ZC2HC1A: variants seen among roughly 807,000 people sequenced by gnomAD.
The protein encoded by ZC2HC1A is zinc finger C2HC domain-containing protein 1A.
In ZC2HC1A, 28 loss-of-function variants were observed where a neutral mutation model predicts 40.7. The observed-to-expected ratio is 0.69, with a 90% confidence interval of 0.51 to 0.94. The LOEUF (loss-of-function observed/expected upper bound fraction) is 0.94. Among genes scored for constraint, ZC2HC1A ranks in the 40% least tolerant of loss-of-function variants. ZC2HC1A has a pLI of 0.00. For synonymous variants in ZC2HC1A, 129 were observed against 129.2 expected (o/e 1.00, Z 0.01); for missense variants, 389 against 386.3 (o/e 1.01, Z -0.06).
At chr8:78,674,432 ATTTTG>A (rs1809517196) in intron 1 of ZC2HC1A, among the ~76,000 whole-genome samples, 1 of 152,226 alleles carries the variant, frequency 6.6e-6, no homozygotes, top group Non-Finnish European at 1.5e-5. Flanking sequence ...TGAGACCATC[ATTTTG>A]AAGACTGTCT....
chr8:78,710,509 G>A (rs577615323), intron 7 of ZC2HC1A, among the ~76,000 whole-genome samples: 1 of 151,738 alleles, frequency 6.6e-6, no homozygotes, highest in Non-Finnish European at 1.5e-5. Flanking sequence ...TGTAGGATTT[G>A]ACCATTTCTT....
At chr8:78,706,164 C>T (rs560674885) in intron 7 of ZC2HC1A, among the ~76,000 whole-genome samples, 2 of 152,292 alleles carry the variant, frequency 1.3e-5, no homozygotes, top group South Asian at 4.2e-4. Flanking sequence ...CTGGGAGTTC[C>T]ATCCCAGGTA....
chr8:78,692,484 G>GA (rs1810242394), intron 5 of ZC2HC1A, among the ~76,000 whole-genome samples: 1 of 152,168 alleles, frequency 6.6e-6, no homozygotes, highest in Non-Finnish European at 1.5e-5. Context: ...ATGTTTGGTT[G>GA]AAAACTAGAC....
intron 1 of ZC2HC1A, among the ~76,000 whole-genome samples, chr8:78,672,891 T>G (rs943682803): frequency 2.6e-5 from 4 of 152,120 alleles, no homozygotes; most frequent in African/African-American, 9.7e-5. Context: ...CTACATAAAT[T>G]ATTTTTAATT....
In ZC2HC1A at chr8:78,718,563, T is replaced by C. The variant is rs887355757; in HGVS notation, c.*1070T>C. The C allele has an allele frequency of 6.6e-5, 10 of 152,046 alleles. No individual in the cohort carries two copies. Among genetic ancestry groups the C allele is most frequent in the East Asian group, 3.9e-4 (2 of 5,192 alleles). 9.4% of individuals were successfully genotyped at this position (152,046 alleles called of 1,614,324 possible). A position where few individuals can be genotyped will look rare whatever the true frequency, so the allele number is the denominator to read the frequency against. On this transcript the variant is annotated 3_prime_UTR_variant, in exon 9 of 9. Transcript: ENST00000263849. The stretch of plus-strand genomic sequence containing the variant: ...TTAAGAGAATATCTAATTTTCCTAC[T>C]CTTTTTTTCATCTTTAGCATTTAAT...
intron 5 of ZC2HC1A, among the ~76,000 whole-genome samples, chr8:78,693,225 A>G (rs1810274142): frequency 6.6e-6 from 1 of 152,160 alleles, no homozygotes; most frequent in Non-Finnish European, 1.5e-5. Flanking sequence ...AGCATGATTT[A>G]TAGTCCTTTG....
rs566695645 is a variant in ZC2HC1A, at chr8:78,682,583, T to C, written c.211-3884T>C. On this transcript the variant is annotated intron_variant, in intron 3 of 8. Transcript: ENST00000263849. Reference sequence around the variant, plus strand: ...ATTCAATTACCTCCCAATGGGTTCCTCCCACAACCTGTGGGGATTATGAGA... The same window carrying C: ...ATTCAATTACCTCCCAATGGGTTCCCCCCACAACCTGTGGGGATTATGAGA... Among the ~76,000 whole-genome samples, 42 of 152,264 alleles carry C rather than the reference T, an allele frequency of 2.8e-4. 1 individual carries two copies. The highest frequency in any genetic ancestry group is 9.6e-4 in the African/African-American group (40 of 41,544).
chr8:78,682,590 A>T (rs1160369788), intron 3 of ZC2HC1A, among the ~76,000 whole-genome samples: 2 of 152,154 alleles, frequency 1.3e-5, no homozygotes, highest in East Asian at 3.9e-4. Context: ...TCCTCCCACA[A>T]CCTGTGGGGA....
intron 1 of ZC2HC1A, among the ~76,000 whole-genome samples, chr8:78,674,547 T>C (rs1386380791): frequency 1.3e-5 from 2 of 152,158 alleles, no homozygotes; most frequent in Non-Finnish European, 2.9e-5. Flanking sequence ...ATAACTTAGC[T>C]CCTGGTGTTG....
chr8:78,690,734 C>G (rs1810184722), intron 5 of ZC2HC1A, among the ~76,000 whole-genome samples: 1 of 151,752 alleles, frequency 6.6e-6, no homozygotes, highest in African/African-American at 2.4e-5. Flanking sequence ...GTTCATGAAC[C>G]TGTTATATTT....
rs77219198 is a variant in ZC2HC1A at position 78,717,351 on chromosome 8, C to G, written c.836C>G (p.Ser279Cys). The G allele has an allele frequency of 6.2e-7, 1 of 1,609,730 alleles. No homozygotes were observed. The highest frequency in any genetic ancestry group is 8.5e-7 in the Non-Finnish European group (1 of 1,178,832). ...IARPDGDCAS[S>C]LNGGNIKGIE... ...AGGCCAGATGGGGACTGTGCATCTTCCCTTAATGGTGGAAATATTAAAGGC... is the reference window on the plus strand; with the variant it reads ...AGGCCAGATGGGGACTGTGCATCTTGCCTTAATGGTGGAAATATTAAAGGC... The change falls in exon 9 of 9, where the codon TCC (serine) becomes TGC (cysteine). Residue 279 changes from serine (S) to cysteine (C), a missense_variant. Physicochemically the swap from Ser to Cys is moderately radical, Grantham distance 112. Coordinates refer to ENST00000263849, the MANE Select transcript of ZC2HC1A (RefSeq NM_016010.3).
At position 78,691,348 on chromosome 8, in the gene ZC2HC1A, CATT is replaced by C. The variant is rs551661625; in HGVS notation, c.504+1978_504+1980del. On this transcript the variant is annotated intron_variant, in intron 5 of 8. Transcript: ENST00000263849. ...CTTCCCCATTTATTGGCACTTTTATCATTATAAATTGTTCCTTTTTGTCTGTGG... is the reference window on the plus strand; with the variant it reads ...CTTCCCCATTTATTGGCACTTTTATCATAAATTGTTCCTTTTTGTCTGTGG... Among the ~76,000 whole-genome samples, 24 of 152,196 alleles carry C rather than the reference CATT, an allele frequency of 1.6e-4. No homozygotes were observed. The South Asian group carries it at 5.0e-3, about 32-fold the overall frequency.
intron 3 of ZC2HC1A, 89 bp from the exon 4 acceptor site, chr8:78,686,378 A>C (rs1223461766): frequency 9.3e-7 from 1 of 1,074,846 alleles, no homozygotes; most frequent in Non-Finnish European, 1.2e-6. Context: ...AACATTTAAA[A>C]TGATATGGAA....
intron 3 of ZC2HC1A, among the ~76,000 whole-genome samples, chr8:78,680,286 C>CAAA (rs3070855): frequency 9.1e-5 from 8 of 88,144 alleles, no homozygotes; most frequent in African/African-American, 3.2e-4. Context: ...GACTCCGTCT[C>CAAA]AAAAAAAAAA....
chr8:78,669,821 G>C (rs1809391048), intron 1 of ZC2HC1A, among the ~76,000 whole-genome samples: 1 of 151,880 alleles, frequency 6.6e-6, no homozygotes, highest in Non-Finnish European at 1.5e-5. Flanking sequence ...TTCCCTGTTA[G>C]ATCAGTGAAA....
intron 3 of ZC2HC1A, among the ~76,000 whole-genome samples, chr8:78,685,211 A>T (rs1230234670): frequency 1.3e-5 from 2 of 151,514 alleles, no homozygotes; most frequent in East Asian, 3.9e-4. Context: ...TTGTGGGGGG[A>T]CAGGGAGGGG....
chr8:78,693,754 A>G (rs1810300612), intron 5 of ZC2HC1A, among the ~76,000 whole-genome samples: 2 of 152,098 alleles, frequency 1.3e-5, no homozygotes, highest in Non-Finnish European at 2.9e-5. Context: ...CCATTTGTCA[A>G]TTTTGGCTTT....
At chr8:78,667,674 G>T (rs1239397570) in intron 1 of ZC2HC1A, among the ~76,000 whole-genome samples, 1 of 152,028 alleles carries the variant, frequency 6.6e-6, no homozygotes, top group African/African-American at 2.4e-5. Context: ...TGTCTATTAT[G>T]GGCATCTTTT....
At chr8:78,709,830 A>G (rs565564405) in intron 7 of ZC2HC1A, among the ~76,000 whole-genome samples, 1 of 152,316 alleles carries the variant, frequency 6.6e-6, no homozygotes, top group East Asian at 1.9e-4. Context: ...CTGGTTGGAC[A>G]AGATTGCCTT....
Sources: gnomAD v4.1 joint callset for allele counts (sites outside exome capture counted in the v4.1 genomes callset) on GRCh38, gnomAD v4.1.1 for gene constraint, MANE v1.5 for transcripts, NCBI Gene and HGNC (gene_info 2026-07-23, HGNC 2026-07-21) for gene names.